CALN1: variants seen among roughly 807,000 people sequenced by gnomAD.
CALN1 encodes the protein calneuron 1, also known as calcium-binding protein 8.
A neutral mutation model predicts 30.6 loss-of-function variants in CALN1; 17 were observed. The ratio of observed to expected loss-of-function variants is 0.56; its 90% CI spans 0.38 to 0.83. CALN1 has a LOEUF of 0.83. Among genes scored for constraint, CALN1 ranks in the 40% least tolerant of loss-of-function variants. The pLI, the probability that CALN1 is intolerant of heterozygous loss-of-function variation, is 0.00. For missense variants in CALN1, 291 were observed against 354.9 expected (o/e 0.82, Z 1.45); for synonymous variants, 156 against 131.4 (o/e 1.19, Z -1.28).
intron 5 of CALN1, among the ~76,000 whole-genome samples, chr7:71,967,055 C>A (rs926391219): frequency 1.3e-5 from 2 of 152,094 alleles, no homozygotes; most frequent in African/African-American, 4.8e-5. Flanking sequence ...ATCTTTGAAA[C>A]CCATTCACTT....
upstream of CALN1, among the ~76,000 whole-genome samples, chr7:72,413,691 TCA>T (rs1225962598): frequency 2.6e-5 from 4 of 151,820 alleles, no homozygotes; most frequent in African/African-American, 7.3e-5. Flanking sequence ...ACATTCACAC[TCA>T]CACTACACAT....
chr7:72,319,796 A>G (rs569841033), intron 2 of CALN1, among the ~76,000 whole-genome samples: 2 of 152,304 alleles, frequency 1.3e-5, no homozygotes, highest in South Asian at 4.1e-4. Context: ...TGGGAGCTAA[A>G]TAATGTGTAC....
chr7:72,145,112 AACTAAG>A (rs1169116880), intron 3 of CALN1, among the ~76,000 whole-genome samples: 1 of 152,234 alleles, frequency 6.6e-6, no homozygotes, highest in Non-Finnish European at 1.5e-5. Context: ...GGCAAGAAAT[AACTAAG>A]ATCAGAGCAG....
At chr7:72,011,910 A>T (rs966354626) in intron 5 of CALN1, among the ~76,000 whole-genome samples, 7 of 152,220 alleles carry the variant, frequency 4.6e-5, no homozygotes, top group African/African-American at 9.6e-5. Flanking sequence ...CTGGGATTAC[A>T]GGCATGAGTC....
At chr7:71,852,423 G>A (rs1299550895) in intron 5 of CALN1, among the ~76,000 whole-genome samples, 3 of 149,182 alleles carry the variant, frequency 2.0e-5, no homozygotes, top group Admixed American at 1.4e-4. Flanking sequence ...GACAGATTGA[G>A]CTCAAGAGTT....
At chr7:71,935,294 A>C (rs1002736450) in intron 5 of CALN1, among the ~76,000 whole-genome samples, 1 of 152,216 alleles carries the variant, frequency 6.6e-6, no homozygotes, top group Non-Finnish European at 1.5e-5. Context: ...GACAGCAAGC[A>C]GGGTGCAGGA....
chr7:71,993,737 G>A (rs1402199983), intron 5 of CALN1, among the ~76,000 whole-genome samples: 5 of 152,140 alleles, frequency 3.3e-5, no homozygotes, highest in South Asian at 2.1e-4. Context: ...GATTACAGGC[G>A]TGAGCCACTG....
chr7:72,056,829 T>A (rs1803286565), intron 4 of CALN1, among the ~76,000 whole-genome samples: 1 of 152,120 alleles, frequency 6.6e-6, no homozygotes, highest in African/African-American at 2.4e-5. Flanking sequence ...ATATTAAACA[T>A]GTAGAAAATG....
chr7:71,779,507 CTTTTA>C lies in CALN1; in HGVS notation c.*8263_*8267del, dbSNP rs776059325. ...AATCTCTTGTCAAAAGAAAAAAAAA[CTTTTA>C]TTTTTTCTATTGCATAAATAATGGT... On this transcript the variant is annotated 3_prime_UTR_variant, in exon 7 of 7. Coordinates refer to ENST00000395275, the MANE Select transcript of CALN1 (RefSeq NM_031468.4). 2.6e-5 allele frequency: 4 copies of C among 151,892 alleles called. No homozygotes were observed. Among genetic ancestry groups the C allele is most frequent in the East Asian group, 3.8e-4 (2 of 5,196 alleles). 9.4% of individuals were successfully genotyped at this position (151,892 alleles called of 1,614,324 possible).
intron 4 of CALN1, among the ~76,000 whole-genome samples, chr7:72,054,210 G>A (rs908002056): frequency 6.6e-6 from 1 of 151,934 alleles, no homozygotes; most frequent in Non-Finnish European, 1.5e-5. Context: ...GTTCTTTAAG[G>A]AATCTCCACA....
chr7:72,271,537 T>C (rs1796968663), intron 3 of CALN1, among the ~76,000 whole-genome samples: 1 of 98,334 alleles, frequency 1.0e-5, no homozygotes, highest in Non-Finnish European at 2.0e-5. Flanking sequence ...GTTAGGATTA[T>C]AAGCATGAAC....
chr7:71,924,115 C>T (rs1795129337), intron 5 of CALN1, among the ~76,000 whole-genome samples: 2 of 150,910 alleles, frequency 1.3e-5, no homozygotes, highest in South Asian at 4.2e-4. Flanking sequence ...ATCGCTTGAA[C>T]CCAGGAGGCG....
intron 2 of CALN1, among the ~76,000 whole-genome samples, chr7:72,286,384 T>C (rs1280762123): frequency 2.0e-5 from 3 of 152,188 alleles, no homozygotes; most frequent in Non-Finnish European, 4.4e-5. Flanking sequence ...ACGTGGACCC[T>C]GCACATGAAG....
chr7:72,444,814 C>T (rs1395412761), intron 1 of CALN1, among the ~76,000 whole-genome samples: 1 of 152,098 alleles, frequency 6.6e-6, no homozygotes, highest in Admixed American at 6.6e-5. Context: ...AACTGACGCC[C>T]GCCCAATGAG....
At chr7:71,795,092 G>A (rs1436034868) in intron 6 of CALN1, among the ~76,000 whole-genome samples, 1 of 151,888 alleles carries the variant, frequency 6.6e-6, no homozygotes, top group Non-Finnish European at 1.5e-5. Flanking sequence ...GCACGATATT[G>A]GCTCGCTGCA....
intron 5 of CALN1, among the ~76,000 whole-genome samples, chr7:71,920,870 A>G (rs1488489245): frequency 6.6e-6 from 1 of 152,180 alleles, no homozygotes; most frequent in African/African-American, 2.4e-5. Flanking sequence ...TACCCAAAAG[A>G]TTATAAATCA....
rs575924113 is a variant in CALN1, at chr7:71,801,376, TTATGTATGTATGTATG to T, written c.658+8944_658+8959del. Among the ~76,000 whole-genome samples, 160 of 121,656 alleles carry T rather than the reference TTATGTATGTATGTATG, an allele frequency of 1.3e-3. 1 individual carries two copies. The highest frequency in any genetic ancestry group is 0.012 in the East Asian group (46 of 3,866). The allele number at this position is 121,656 out of a possible 152,430, so 79.8% of individuals were successfully genotyped here. On this transcript the variant is annotated intron_variant, in intron 6 of 6. Transcript: ENST00000395275. ...TACAGGTGCCTGCCACCATGCCTGGTTATGTATGTATGTATGTATGTATGTATGTATGTATGTATGT... is the reference window on the plus strand; with the variant it reads ...TACAGGTGCCTGCCACCATGCCTGGTTATGTATGTATGTATGTATGTATGT...
intron 5 of CALN1, among the ~76,000 whole-genome samples, chr7:71,829,027 G>C (rs988596910): frequency 6.6e-6 from 1 of 152,006 alleles, no homozygotes; most frequent in Non-Finnish European, 1.5e-5. Flanking sequence ...TTACAGGTGT[G>C]ATCCACCGCG....
chr7:72,412,651 C>G (rs916949360), upstream of CALN1, among the ~76,000 whole-genome samples: 1 of 152,220 alleles, frequency 6.6e-6, no homozygotes, highest in Non-Finnish European at 1.5e-5. Context: ...GAGGAGCAGC[C>G]CCAGCCCTTG....
Sources: gnomAD v4.1 joint callset for allele counts (sites outside exome capture counted in the v4.1 genomes callset) on GRCh38, gnomAD v4.1.1 for gene constraint, MANE v1.5 for transcripts, NCBI Gene and HGNC (gene_info 2026-07-23, HGNC 2026-07-21) for gene names.